NPC1: variants seen among roughly 807,000 people sequenced by gnomAD.
The protein encoded by NPC1 is Niemann-Pick C1 protein.
Under a neutral mutation model 140.4 loss-of-function variants are expected in NPC1, and 85 were observed. The ratio of observed to expected loss-of-function variants is 0.61; its 90% CI spans 0.51 to 0.72. The LOEUF (loss-of-function observed/expected upper bound fraction) is 0.72, where lower values mean the gene tolerates loss of function less well. Among genes scored for constraint, NPC1 ranks in the 30% least tolerant of loss-of-function variants. The pLI is 0.00. For synonymous variants in NPC1, 656 were observed against 624.8 expected, an observed-to-expected ratio of 1.05 and a Z score of -0.74; for missense variants, 1,504 against 1,623.8, an observed-to-expected ratio of 0.93 and a Z score of 1.27.
In NPC1 at chr18:23,572,069, C is replaced by T; in HGVS notation, c.287+5G>A. ...CAGTTGTTCTGTTTCCCCAGCAGAA[C>T]CTACCTGGACAGAAACTGTAGAGGC... On this transcript the variant is annotated splice_donor_5th_base_variant and intron_variant, in intron 3 of 24. Coordinates refer to ENST00000269228, the MANE Select transcript of NPC1 (RefSeq NM_000271.5). 2.5e-6 allele frequency: 4 copies of T among 1,607,460 alleles called. No individual in the cohort carries two copies. Among genetic ancestry groups the T allele is most frequent in the South Asian group, 1.1e-5 (1 of 90,978 alleles).
At chr18:23,543,596 C>T (rs762603165) in intron 13 of NPC1, 27 bp from the exon 14 acceptor site, 3 of 1,215,212 alleles carry the variant, frequency 2.5e-6, no homozygotes, top group Non-Finnish European at 3.6e-6. Context: ...AAAAATTATG[C>T]GACATTAAAA....
At chr18:23,517,836 G>C (rs1180375860), downstream of NPC1, among the ~76,000 whole-genome samples, 1 of 152,122 alleles carries the variant, frequency 6.6e-6, no homozygotes, top group Non-Finnish European at 1.5e-5. Context: ...TCCTGCCACA[G>C]TCTCCCAAGT....
intron 3 of NPC1, among the ~76,000 whole-genome samples, chr18:23,515,585 A>G (rs907381450): frequency 6.6e-6 from 1 of 152,170 alleles, no homozygotes; most frequent in African/African-American, 2.4e-5. Flanking sequence ...CTGGAGTGTG[A>G]TGGTGCAATC....
chr18:23,577,200 A>C (rs1486541166), intron 1 of NPC1, among the ~76,000 whole-genome samples: 9 of 151,606 alleles, frequency 5.9e-5, no homozygotes, highest in Non-Finnish European at 1.0e-4. Context: ...ACCTTGAGCT[A>C]AACACAGGGT....
Position 23,545,107 on chromosome 18 carries a change from G to A in NPC1, c.1800C>T (p.Thr600=). 1 of 1,613,128 alleles carries A rather than the reference G, an allele frequency of 6.2e-7. No homozygotes were observed. ...FVKNYKNPNL[T]ISFTAERSIE... ...TACTTCGTTCAGCAGTGAAGGAAATGGTCAGATTGGGATTCTTGTAGTTTT... is the reference window on the plus strand; with the variant it reads ...TACTTCGTTCAGCAGTGAAGGAAATAGTCAGATTGGGATTCTTGTAGTTTT... Residue 600 remains threonine, a synonymous_variant, in exon 12 of 25, where the codon ACC becomes ACT. Coordinates refer to ENST00000269228, the MANE Select transcript of NPC1 (RefSeq NM_000271.5).
chr18:23,544,394 C>T lies in NPC1; in HGVS notation c.2080G>A (p.Val694Met). 1 of 1,614,156 alleles carries T rather than the reference C, an allele frequency of 6.2e-7. No homozygotes were observed. The change falls in exon 13 of 25, where the codon GTG becomes ATG. Residue 694 changes from valine (V) to methionine (M), a missense_variant. Coordinates refer to ENST00000269228, the MANE Select transcript of NPC1 (RefSeq NM_000271.5). ...ATGTTGTCCACTCCAACAGCCAGCACCAGGAACGGGATGACTTCAATCACA... is the reference window on the plus strand; with the variant it reads ...ATGTTGTCCACTCCAACAGCCAGCATCAGGAACGGGATGACTTCAATCACA... Reference protein sequence around the residue: ...LIVIEVIPFLVLAVGVDNIFI... With the variant: ...LIVIEVIPFLMLAVGVDNIFI...
intron 4 of NPC1, among the ~76,000 whole-genome samples, chr18:23,562,012 G>A (rs766335647): frequency 3.9e-5 from 6 of 152,140 alleles, no homozygotes; most frequent in Admixed American, 6.5e-5. Context: ...ACTGTTGGCC[G>A]GGCACGGTGG....
At chr18:23,530,915 G>C (rs2145310803), downstream of NPC1, among the ~76,000 whole-genome samples, 1 of 152,278 alleles carries the variant, frequency 6.6e-6, no homozygotes, top group South Asian at 2.1e-4. Flanking sequence ...CCAGGAATAA[G>C]ACGGCAAATG....
At chr18:23,524,391 T>C (rs140268783), downstream of NPC1, 5,180 of 1,610,908 alleles carry the variant, frequency 3.2e-3, 18 homozygotes, top group South Asian at 4.0e-3. Flanking sequence ...CTTTTTGTTT[T>C]CATCTTTTCC....
chr18:23,561,611 G>A (rs966228176), intron 4 of NPC1, 84 bp from the exon 5 acceptor site: 18 of 1,366,068 alleles, frequency 1.3e-5, no homozygotes, highest in Non-Finnish European at 1.7e-5. Context: ...GCCTCTTGAA[G>A]GGAAACACGA....
intron 1 of NPC1, among the ~76,000 whole-genome samples, chr18:23,575,454 G>A (rs1393731286): frequency 6.6e-6 from 1 of 152,048 alleles, no homozygotes; most frequent in East Asian, 1.9e-4. Flanking sequence ...ATCACACCTG[G>A]AGCAGGTTAC....
intron 1 of NPC1, among the ~76,000 whole-genome samples, chr18:23,576,161 T>C (rs1340529998): frequency 6.7e-6 from 1 of 149,430 alleles, no homozygotes; most frequent in Admixed American, 6.7e-5. Flanking sequence ...GAGGCGGAGG[T>C]TGTGGTGAGC....
At position 23,535,573 on chromosome 18, in the gene NPC1, C is replaced by A. The variant is rs770247765; in HGVS notation, c.3373G>T (p.Val1125Phe). 1.2e-5 allele frequency: 20 copies of A among 1,614,144 alleles called. No homozygotes were observed. The South Asian group carries it at 2.1e-4, about 17-fold the overall frequency. Residue 1125 changes from valine to phenylalanine, a missense_variant, in exon 22 of 25, where the codon GTC (valine) becomes TTC (phenylalanine). Coordinates refer to ENST00000269228, the MANE Select transcript of NPC1 (RefSeq NM_000271.5). ...VLLGCELWSA[V>F]IMCATIAMVL... ...ATGGCGATGGTGGCACACATGATGA[C>A]TGCAGACCAGAGCTCACAGCCCAGG...
chr18:23,545,054 T>C lies in NPC1; in HGVS notation c.1853A>G (p.Asp618Gly), dbSNP rs2058769412. Residue 618 changes from aspartate (D) to glycine (G), a missense_variant, in exon 12 of 25, where the codon GAC becomes GGC. Physicochemically the swap from Asp to Gly is moderately conservative, Grantham distance 94 (BLOSUM62 -1). Transcript: ENST00000269228. ...AATTACAACGGTGAAGACATCACTG[T>C]CACTTTCACGATTTAGTTCATCTTC... ...SIEDELNRES[D>G]SDVFTVVISY... 6.2e-7 allele frequency: 1 copy of C among 1,608,928 alleles called. No homozygotes were observed. The highest frequency in any genetic ancestry group is 1.3e-5 in the African/African-American group (1 of 74,528).
chr18:23,538,826 T>A, intron 19 of NPC1, 155 bp from the exon 20 acceptor site: 1 of 766,428 alleles, frequency 1.3e-6, no homozygotes, highest in East Asian at 2.6e-5. Context: ...TCTAAAAGCT[T>A]CAGCCACATG....
chr18:23,519,315 C>T (rs1008371415), downstream of NPC1: 6 of 687,288 alleles, frequency 8.7e-6, no homozygotes, highest in Admixed American at 7.6e-5. Flanking sequence ...CCCAGGAGTT[C>T]GAGACCAGCC....
chr18:23,544,283 G>A (rs770851149), intron 13 of NPC1, 61 bp downstream of exon 13: 22 of 1,503,582 alleles, frequency 1.5e-5, no homozygotes, highest in Non-Finnish European at 2.0e-5. Context: ...GAGCCCAGGA[G>A]CCATTCACAG....
chr18:23,517,158 T>G (rs2058029978), intron 3 of NPC1, among the ~76,000 whole-genome samples: 1 of 152,062 alleles, frequency 6.6e-6, no homozygotes, highest in Admixed American at 6.5e-5. Flanking sequence ...TTTTTTTTTT[T>G]GTTTGTTTTT....
rs200291759 is a variant in NPC1, at chr18:23,572,152, T to C, written c.209A>G (p.Asn70Ser). Residue 70 changes from asparagine to serine, a missense_variant, in exon 3 of 25, where the codon AAT becomes AGT. Physicochemically the swap from Asn to Ser is conservative, Grantham distance 46. Coordinates refer to ENST00000269228, the MANE Select transcript of NPC1 (RefSeq NM_000271.5). The part of the protein sequence containing the change: ...QELCPGFFFG[N>S]VSLCCDVRQL... ...CCGAACATCACAACAGAGACTGACA[T>C]TGCCAAAGAAGAATCCTGGACAGAG... 14 of 1,613,350 alleles carry C rather than the reference T, an allele frequency of 8.7e-6. No individual in the cohort carries two copies. Among genetic ancestry groups the C allele is most frequent in the Admixed American group, 6.7e-5 (4 of 59,980 alleles).
Sources: gnomAD v4.1 joint callset for allele counts (sites outside exome capture counted in the v4.1 genomes callset) on GRCh38, gnomAD v4.1.1 for gene constraint, MANE v1.5 for transcripts, NCBI Gene and HGNC (gene_info 2026-07-23, HGNC 2026-07-21) for gene names.